ARHGAP26: variants seen among roughly 807,000 people sequenced by gnomAD.
ARHGAP26 encodes Rho GTPase activating protein 26, also known as rho GTPase-activating protein 26.
ARHGAP26 carries 38 observed loss-of-function variants against 104.8 expected under a neutral mutation model. The ratio of observed to expected loss-of-function variants is 0.36; its 90% CI spans 0.28 to 0.48. ARHGAP26 has a LOEUF of 0.48. Among genes scored for constraint, ARHGAP26 ranks in the 20% least tolerant of loss-of-function variants. The pLI, the probability that ARHGAP26 is intolerant of heterozygous loss-of-function variation, is 0.99. For synonymous variants in ARHGAP26, 341 were observed against 340.0 expected, an observed-to-expected ratio of 1.00 and a Z score of -0.03; for missense variants, 704 against 947.9, an observed-to-expected ratio of 0.74 and a Z score of 3.38.
intron 20 of ARHGAP26, among the ~76,000 whole-genome samples, chr5:143,165,705 A>G (rs1023169329): frequency 3.9e-5 from 6 of 152,140 alleles, no homozygotes; most frequent in Admixed American, 3.3e-4. Flanking sequence ...TTCTTTAGTC[A>G]TCACCCCACC....
At chr5:143,036,592 A>G (rs530415014) in intron 12 of ARHGAP26, among the ~76,000 whole-genome samples, 1 of 152,240 alleles carries the variant, frequency 6.6e-6, no homozygotes, top group South Asian at 2.1e-4. Flanking sequence ...GCAGGATTAT[A>G]CTTAACTCAG....
intron 11 of ARHGAP26, among the ~76,000 whole-genome samples, chr5:142,935,315 T>G (rs551375010): frequency 6.6e-6 from 1 of 152,224 alleles, no homozygotes; most frequent in Non-Finnish European, 1.5e-5. Flanking sequence ...TTACATCTTA[T>G]TATTAAAAAC....
At chr5:143,037,396 CA>C (rs1216155148) in intron 13 of ARHGAP26, 135 bp downstream of exon 13, 6 of 610,928 alleles carry the variant, frequency 9.8e-6, no homozygotes, top group African/African-American at 1.9e-5. Context: ...TGGATTTCCA[CA>C]AGTCTTGTTG....
rs140362436 is a variant in ARHGAP26, at chr5:143,127,346, G to A, written c.1698+6199G>A. ...GAGCAGGATATGTGTGTGTTCATGT[G>A]TTATGTACCACAGGCTTTTGCCAGC... On this transcript the variant is annotated intron_variant, in intron 18 of 22. Coordinates refer to ENST00000645722, the MANE Select transcript of ARHGAP26 (RefSeq NM_001135608.3). Among the ~76,000 whole-genome samples, 703 of 152,326 alleles carry A rather than the reference G, an allele frequency of 4.6e-3. 7 individuals carry two copies. Among genetic ancestry groups the A allele is most frequent in the African/African-American group, 0.016 (673 of 41,582 alleles).
intron 13 of ARHGAP26, among the ~76,000 whole-genome samples, chr5:143,039,468 A>G (rs1238930890): frequency 1.3e-5 from 2 of 152,056 alleles, no homozygotes; most frequent in South Asian, 2.1e-4. Flanking sequence ...GGCCTCCCCA[A>G]AGTGCTGGGA....
intron 8 of ARHGAP26, among the ~76,000 whole-genome samples, chr5:142,906,466 G>A (rs944957721): frequency 2.6e-5 from 4 of 152,136 alleles, no homozygotes; most frequent in Non-Finnish European, 2.9e-5. Flanking sequence ...GTGTACTTAT[G>A]TAAGGAAGAG....
intron 1 of ARHGAP26, among the ~76,000 whole-genome samples, chr5:142,803,874 T>C (rs1762501690): frequency 6.6e-6 from 1 of 152,200 alleles, no homozygotes; most frequent in Admixed American, 6.5e-5. Context: ...TGGTCCTTGA[T>C]CACTGAGGAG....
chr5:142,935,753 G>C (rs565889493), intron 11 of ARHGAP26, among the ~76,000 whole-genome samples: 2 of 152,182 alleles, frequency 1.3e-5, no homozygotes, highest in Non-Finnish European at 2.9e-5. Flanking sequence ...TGTTGTATGA[G>C]GGAAGGAGGT....
At chr5:143,003,311 G>C (rs1777455222) in intron 11 of ARHGAP26, among the ~76,000 whole-genome samples, 1 of 152,168 alleles carries the variant, frequency 6.6e-6, no homozygotes, top group Non-Finnish European at 1.5e-5. Flanking sequence ...GAGAACTGCG[G>C]TAAGTGCCAG....
At chr5:142,834,701 C>T (rs1487707055) in intron 1 of ARHGAP26, among the ~76,000 whole-genome samples, 1 of 152,196 alleles carries the variant, frequency 6.6e-6, no homozygotes, top group Admixed American at 6.5e-5. Context: ...GGTGGAAGCT[C>T]CGGGCCTCTT....
chr5:142,885,314 A>G lies in ARHGAP26; in HGVS notation c.401A>G (p.Tyr134Cys). 1 of 1,613,710 alleles carries G rather than the reference A, an allele frequency of 6.2e-7. No homozygotes were observed. Among genetic ancestry groups the G allele is most frequent in the Non-Finnish European group, 8.5e-7 (1 of 1,179,722 alleles). Residue 134 changes from tyrosine to cysteine, a missense_variant, in exon 5 of 23, where the codon TAT (tyrosine) becomes TGT (cysteine). Coordinates refer to ENST00000645722, the MANE Select transcript of ARHGAP26 (RefSeq NM_001135608.3). The part of the protein sequence containing the change: ...IGAAKEAKKK[Y>C]DKETEKYCGI... ...TTTTGCCAGGAAGCCAAAAAGAAGT[A>G]TGACAAAGAGACAGAAAAGTATTGT... is the stretch of plus-strand genomic sequence containing the variant.
At chr5:143,091,425 C>G (rs758884179) in intron 17 of ARHGAP26, among the ~76,000 whole-genome samples, 1 of 152,174 alleles carries the variant, frequency 6.6e-6, no homozygotes, top group Non-Finnish European at 1.5e-5. Context: ...AGAAACTGAT[C>G]TTTTGTTTTA....
intron 9 of ARHGAP26, 116 bp downstream of exon 9, chr5:142,907,920 A>G (rs1761327050): frequency 7.9e-6 from 5 of 629,660 alleles, no homozygotes; most frequent in Non-Finnish European, 1.2e-5. Context: ...TAAATTTAAA[A>G]TTAATAATTT....
At chr5:142,790,253 G>A (rs1032243484) in intron 1 of ARHGAP26, among the ~76,000 whole-genome samples, 3 of 152,168 alleles carry the variant, frequency 2.0e-5, no homozygotes, top group Admixed American at 6.5e-5. Flanking sequence ...TATGTAGTCC[G>A]AGAACACTTC....
intron 11 of ARHGAP26, among the ~76,000 whole-genome samples, chr5:142,981,266 A>G (rs756615855): frequency 1.8e-4 from 28 of 152,146 alleles, no homozygotes; most frequent in Non-Finnish European, 3.5e-4. Flanking sequence ...TTCTAATCTT[A>G]TTTCCTAAAC....
In ARHGAP26 at chr5:142,809,602, A is replaced by C. The variant is rs149131124; in HGVS notation, c.154+38687A>C. On this transcript the variant is annotated intron_variant, in intron 1 of 22. Transcript: ENST00000645722. ...TGCAAGGGATGGCTGTGAAAAGAGA[A>C]AAATAGTCCTCCTTTGGAGTCCCAT... Among the ~76,000 whole-genome samples, 501 of 152,364 alleles carry C rather than the reference A, an allele frequency of 3.3e-3. 6 individuals carry two copies. The highest frequency in any genetic ancestry group is 0.011 in the African/African-American group (469 of 41,584).
intron 12 of ARHGAP26, among the ~76,000 whole-genome samples, chr5:143,020,785 C>A (rs1266560152): frequency 6.6e-6 from 1 of 151,960 alleles, no homozygotes; most frequent in African/African-American, 2.4e-5. Flanking sequence ...ACTACAGGCA[C>A]CCGCCCTCAC....
At position 143,149,194 on chromosome 5, in the gene ARHGAP26, C is replaced by A. The variant is rs143166072; in HGVS notation, c.1988+1813C>A. Among the ~76,000 whole-genome samples, 21 of 152,178 alleles carry A rather than the reference C, an allele frequency of 1.4e-4. No individual in the cohort carries two copies. The East Asian group carries it at 4.1e-3, about 29-fold the overall frequency. ...GCCTGGTACAGATCTGGGGGGCTTT[C>A]CTGGGGAAGGGAGGGTGATAACAGG... On this transcript the variant is annotated intron_variant, in intron 20 of 22. Transcript: ENST00000645722.
At chr5:143,073,752 G>A (rs897502123) in intron 17 of ARHGAP26, among the ~76,000 whole-genome samples, 2 of 152,050 alleles carry the variant, frequency 1.3e-5, no homozygotes, top group East Asian at 1.9e-4. Flanking sequence ...TCTTAACTTG[G>A]GTTTTCTTCT....
Sources: allele counts gnomAD v4.1 joint callset (sites outside exome capture counted in the v4.1 genomes callset), GRCh38; gene constraint gnomAD v4.1.1; transcripts MANE v1.5; gene names NCBI Gene and HGNC (gene_info 2026-07-23, HGNC 2026-07-21).